Variants in NELL1 observed in about 807,000 individuals in gnomAD.
NELL1 encodes protein kinase C-binding protein NELL1.
In NELL1, 76 loss-of-function variants were observed where a neutral mutation model predicts 107.4. The observed-to-expected ratio is 0.71, with a 90% CI of 0.59 to 0.86. The LOEUF is 0.86. NELL1 is among the 40% of genes least tolerant of loss of function. The pLI is 0.00. For missense variants in NELL1, 1,024 were observed against 1,005.5 expected (o/e 1.02, Z -0.25); for synonymous variants, 353 against 341.2 (o/e 1.03, Z -0.38).
chr11:21,540,387 C>T (rs1445389330), intron 16 of NELL1, among the ~76,000 whole-genome samples: 1 of 152,080 alleles, frequency 6.6e-6, no homozygotes, highest in African/African-American at 2.4e-5. Flanking sequence ...TTTTCCCTAC[C>T]TCCATCAAAT....
At chr11:20,990,233 T>G (rs1234565486) in intron 12 of NELL1, among the ~76,000 whole-genome samples, 1 of 152,122 alleles carries the variant, frequency 6.6e-6, no homozygotes, top group Non-Finnish European at 1.5e-5. Context: ...TTTGCACGTG[T>G]CCCTAACAGG....
chr11:21,435,512 T>TTA (rs1853087568), intron 15 of NELL1, among the ~76,000 whole-genome samples: 2 of 151,744 alleles, frequency 1.3e-5, no homozygotes, highest in South Asian at 2.1e-4. Flanking sequence ...TGTTTTTTTT[T>TTA]ACCATGAAGA....
intron 12 of NELL1, among the ~76,000 whole-genome samples, chr11:21,070,314 C>T (rs1161377776): frequency 1.3e-5 from 2 of 151,922 alleles, no homozygotes; most frequent in African/African-American, 4.8e-5. Flanking sequence ...GTTAAACTGC[C>T]CTTATAAAGA....
chr11:21,393,054 A>C (rs1365190326), intron 15 of NELL1, among the ~76,000 whole-genome samples: 3 of 151,660 alleles, frequency 2.0e-5, no homozygotes, highest in African/African-American at 7.3e-5. Flanking sequence ...TATAATTTCA[A>C]GTGATTTGGA....
At chr11:20,975,888 T>TTA (rs1237969167) in intron 12 of NELL1, among the ~76,000 whole-genome samples, 18 of 124,262 alleles carry the variant, frequency 1.4e-4, no homozygotes, top group African/African-American at 5.8e-4. Context: ...TACATGTGTA[T>TTA]TATATATACA....
intron 1 of NELL1, among the ~76,000 whole-genome samples, chr11:20,677,212 C>A (rs1793005): frequency 6.6e-6 from 1 of 152,010 alleles, no homozygotes; most frequent in Non-Finnish European, 1.5e-5. Context: ...CCTCTGCCAC[C>A]CTTCTTCAAC....
chr11:21,171,347 C>T (rs918312671), intron 13 of NELL1, among the ~76,000 whole-genome samples: 2 of 151,836 alleles, frequency 1.3e-5, no homozygotes, highest in Non-Finnish European at 1.5e-5. Flanking sequence ...CAAAATTCAT[C>T]TGTAATCTCA....
At chr11:20,680,985 T>G (rs1315665332) in intron 2 of NELL1, among the ~76,000 whole-genome samples, 1 of 152,138 alleles carries the variant, frequency 6.6e-6, no homozygotes, top group Non-Finnish European at 1.5e-5. Context: ...TGACTACTAC[T>G]GAGATGGCTG....
chr11:20,716,805 A>G (rs1291588482), intron 2 of NELL1, among the ~76,000 whole-genome samples: 1 of 152,214 alleles, frequency 6.6e-6, no homozygotes, highest in Non-Finnish European at 1.5e-5. Flanking sequence ...CTGTGGATTA[A>G]GCAAATTAGT....
chr11:20,690,715 A>G (rs368373856), intron 2 of NELL1, among the ~76,000 whole-genome samples: 2 of 151,942 alleles, frequency 1.3e-5, no homozygotes, highest in South Asian at 2.1e-4. Flanking sequence ...GTCAGGTAGC[A>G]TGATGCCTCC....
chr11:21,067,067 C>T (rs1320415344), intron 12 of NELL1, among the ~76,000 whole-genome samples: 2 of 152,120 alleles, frequency 1.3e-5, no homozygotes, highest in African/African-American at 4.8e-5. Flanking sequence ...GACCATCTGA[C>T]ACATATATTC....
chr11:20,888,283 A>C (rs1590382514), intron 5 of NELL1, among the ~76,000 whole-genome samples: 2 of 152,166 alleles, frequency 1.3e-5, no homozygotes, highest in South Asian at 4.1e-4. Flanking sequence ...TAGAACAGAT[A>C]CATGTATATA....
At chr11:21,252,020 G>C (rs190561181) in intron 14 of NELL1, among the ~76,000 whole-genome samples, 1 of 152,234 alleles carries the variant, frequency 6.6e-6, no homozygotes, top group African/African-American at 2.4e-5. Flanking sequence ...GACACATATG[G>C]AGTGTTTACA....
intron 13 of NELL1, among the ~76,000 whole-genome samples, chr11:21,122,919 C>T (rs1359477944): frequency 6.6e-6 from 1 of 152,138 alleles, no homozygotes; most frequent in Non-Finnish European, 1.5e-5. Context: ...TCAGCTGCTC[C>T]ATGAAATCCT....
At chr11:21,052,074 A>G (rs1236474492) in intron 12 of NELL1, among the ~76,000 whole-genome samples, 1 of 152,038 alleles carries the variant, frequency 6.6e-6, no homozygotes, top group Non-Finnish European at 1.5e-5. Flanking sequence ...ACAGACCTGC[A>G]TAGAGTGAGT....
intron 2 of NELL1, among the ~76,000 whole-genome samples, chr11:20,734,825 G>A (rs1016292352): frequency 3.3e-5 from 5 of 152,144 alleles, no homozygotes; most frequent in African/African-American, 9.7e-5. Context: ...ATTTAGGGCA[G>A]CATCTCTTAA....
At chr11:21,292,818 A>G (rs928010537) in intron 14 of NELL1, among the ~76,000 whole-genome samples, 6 of 152,206 alleles carry the variant, frequency 3.9e-5, no homozygotes, top group African/African-American at 9.6e-5. Context: ...CAAACCTGAC[A>G]TAAGCCATGG....
intron 13 of NELL1, among the ~76,000 whole-genome samples, chr11:21,131,008 T>C (rs527856921): frequency 6.6e-6 from 1 of 152,190 alleles, no homozygotes; most frequent in Non-Finnish European, 1.5e-5. Context: ...ATATAATTGA[T>C]TTTCAACCTA....
At chr11:20,757,327 T>C (rs1356150322) in intron 2 of NELL1, among the ~76,000 whole-genome samples, 1 of 152,160 alleles carries the variant, frequency 6.6e-6, no homozygotes, top group Non-Finnish European at 1.5e-5. Flanking sequence ...ACCCCATCAC[T>C]GGGTATAGAG....
Sources: allele counts gnomAD v4.1 joint callset (sites outside exome capture counted in the v4.1 genomes callset), GRCh38; gene constraint gnomAD v4.1.1; transcripts MANE v1.5; gene names NCBI Gene and HGNC (gene_info 2026-07-23, HGNC 2026-07-21).